Variants in DENND2B observed in about 807,000 individuals in gnomAD.
DENND2B encodes DENN domain-containing protein 2B.
DENND2B carries 32 observed loss-of-function variants against 116.0 expected under a neutral mutation model. The observed-to-expected ratio is 0.28, with a 90% CI of 0.21 to 0.37. The LOEUF (loss-of-function observed/expected upper bound fraction) is 0.37. Ranked by LOEUF, DENND2B falls within the 10% of genes least tolerant of loss-of-function variation. DENND2B has a pLI of 1.00. For synonymous variants in DENND2B, 588 were observed against 583.9 expected (o/e 1.01, Z -0.10); for missense variants, 1,276 against 1,477.7 (o/e 0.86, Z 2.24).
chr11:8,738,300 C>T (rs2049481916), intron 2 of DENND2B, among the ~76,000 whole-genome samples: 1 of 152,212 alleles, frequency 6.6e-6, no homozygotes, highest in Non-Finnish European at 1.5e-5. Flanking sequence ...CGTCTCAGGA[C>T]ATCACTCTTC....
intron 4 of DENND2B, among the ~76,000 whole-genome samples, chr11:8,836,436 T>G (rs1316178961): frequency 1.4e-5 from 2 of 145,824 alleles, no homozygotes; most frequent in African/African-American, 5.2e-5. Context: ...TTTTTTTTTT[T>G]TCTGAGACGG....
At chr11:8,774,250 A>G (rs924581455) in intron 1 of DENND2B, 9 of 985,352 alleles carry the variant, frequency 9.1e-6, no homozygotes, top group African/African-American at 1.7e-5. Context: ...CTTTATGACT[A>G]GCAGTCTCTT....
chr11:8,899,493 T>C (rs545286734), intron 1 of DENND2B, among the ~76,000 whole-genome samples: 3 of 152,028 alleles, frequency 2.0e-5, no homozygotes, highest in Non-Finnish European at 2.9e-5. Context: ...CACAATCAAA[T>C]TAACAGATGA....
chr11:8,771,348 T>G (rs2056807351), intron 1 of DENND2B, among the ~76,000 whole-genome samples: 1 of 151,310 alleles, frequency 6.6e-6, no homozygotes, highest in Admixed American at 6.6e-5. Context: ...TCATATAGAG[T>G]ATGGGGTATA....
chr11:8,818,818 A>T (rs1287274880), intron 4 of DENND2B, among the ~76,000 whole-genome samples: 1 of 152,160 alleles, frequency 6.6e-6, no homozygotes, highest in African/African-American at 2.4e-5. Flanking sequence ...CAACTAATCA[A>T]TCCAACTAAA....
intron 1 of DENND2B, chr11:8,808,824 A>C (rs1451050604): frequency 6.6e-6 from 1 of 152,194 alleles, no homozygotes; most frequent in East Asian, 1.9e-4. Flanking sequence ...TAGTTAAGAT[A>C]CTTGCCCGTG....
Position 8,707,371 on chromosome 11 carries a change from C to T in DENND2B, c.2431-146G>A. The T allele has an allele frequency of 1.9e-6, 2 of 1,057,860 alleles. No homozygotes were observed. The highest frequency in any genetic ancestry group is 1.3e-6 in the Non-Finnish European group (1 of 756,560). 65.5% of individuals were successfully genotyped at this position (1,057,860 alleles called of 1,614,324 possible). On this transcript the variant is annotated intron_variant, in intron 12 of 19. Transcript: ENST00000313726. This position sits in a 1 kb window ranked among gnomAD's most constrained non-coding sequence, Gnocchi z 4.8. ...AGGTGGTCTTGCCATGATCTGCACA[C>T]TCTACCCTTCCCGTTTTCCTTGGCA... is the stretch of plus-strand genomic sequence containing the variant.
chr11:8,893,246 C>G (rs2064056511), intron 1 of DENND2B, among the ~76,000 whole-genome samples: 2 of 152,258 alleles, frequency 1.3e-5, no homozygotes, highest in Non-Finnish European at 2.9e-5. Context: ...TGGGACGTAT[C>G]TCAAAATAAT....
intron 1 of DENND2B, among the ~76,000 whole-genome samples, chr11:8,902,462 G>T (rs1412264997): frequency 6.6e-6 from 1 of 152,182 alleles, no homozygotes; most frequent in Non-Finnish European, 1.5e-5. Flanking sequence ...ATTTGCAAGT[G>T]CTATATCTTC....
At chr11:8,744,431 G>A (rs554263675) in intron 2 of DENND2B, among the ~76,000 whole-genome samples, 2 of 152,254 alleles carry the variant, frequency 1.3e-5, no homozygotes, top group African/African-American at 4.8e-5. Flanking sequence ...ACCGCACCCA[G>A]CCAACCCATG....
rs60488372 is a variant in DENND2B at position 8,754,029 on chromosome 11, G to GCA, written c.-25-3306_-25-3305dup. 1.5e-3 allele frequency among the ~76,000 whole-genome samples: 213 copies of GCA among 138,830 alleles called. 1 individual carries two copies. The highest frequency in any genetic ancestry group is 5.4e-3 in the African/African-American group (199 of 36,620). The allele number at this position is 138,830 out of a possible 152,430, so 91.1% of individuals were successfully genotyped here. ...TTCTTAGATATAACACCAAAAGCGCGCACACACACACACACACACACACAC... is the reference window on the plus strand; with the variant it reads ...TTCTTAGATATAACACCAAAAGCGCGCACACACACACACACACACACACACAC... On this transcript the variant is annotated intron_variant, in intron 1 of 19. Coordinates refer to ENST00000313726, the MANE Select transcript of DENND2B (RefSeq NM_213618.2).
chr11:8,736,320 C>T (rs879476678), intron 2 of DENND2B, among the ~76,000 whole-genome samples: 3 of 151,928 alleles, frequency 2.0e-5, no homozygotes, highest in Non-Finnish European at 2.9e-5. Context: ...CACTGCACTC[C>T]AGCCTGGGCA....
At chr11:8,771,109 T>G (rs2134179938) in intron 1 of DENND2B, among the ~76,000 whole-genome samples, 1 of 152,276 alleles carries the variant, frequency 6.6e-6, no homozygotes, top group South Asian at 2.1e-4. Flanking sequence ...ACTAGAGGCT[T>G]TTCCTCGAAA....
chr11:8,731,121 A>G lies in DENND2B; in HGVS notation c.169T>C (p.Tyr57His). The G allele has an allele frequency of 1.3e-6, 2 of 1,596,890 alleles. No homozygotes were observed. The highest frequency in any genetic ancestry group is 1.7e-6 in the Non-Finnish European group (2 of 1,170,864). ...LSDSETSACR[Y>H]PSHSSSRVLL... The stretch of plus-strand genomic sequence containing the variant: ...ACCCGGGAGCTGGAGTGGCTGGGGT[A>G]CCTGCAGGCTGAGGTTTCACTATCA... Residue 57 changes from tyrosine (Y) to histidine (H), a missense_variant, in exon 3 of 20, where the codon TAC becomes CAC. Coordinates refer to ENST00000313726, the MANE Select transcript of DENND2B (RefSeq NM_213618.2).
chr11:8,769,777 G>T (rs915148850), intron 1 of DENND2B, among the ~76,000 whole-genome samples: 2 of 152,044 alleles, frequency 1.3e-5, no homozygotes, highest in Non-Finnish European at 2.9e-5. Flanking sequence ...AAGAAGGACT[G>T]GTTTAGCACA....
intron 2 of DENND2B, among the ~76,000 whole-genome samples, chr11:8,866,837 T>C (rs1297583987): frequency 1.3e-5 from 2 of 152,154 alleles, no homozygotes; most frequent in African/African-American, 2.4e-5. Flanking sequence ...AACTGAGTCA[T>C]ATCCTGACCC....
chr11:8,722,918 G>A (rs761848975), intron 4 of DENND2B, among the ~76,000 whole-genome samples: 32 of 152,150 alleles, frequency 2.1e-4, no homozygotes, highest in Admixed American at 1.8e-3. Context: ...GAAGCCAGGT[G>A]AGCAGCTACC....
intron 1 of DENND2B, among the ~76,000 whole-genome samples, chr11:8,881,758 C>T (rs907192843): frequency 6.6e-6 from 1 of 152,182 alleles, no homozygotes; most frequent in South Asian, 2.1e-4. Flanking sequence ...CCAGGCTGGT[C>T]TTGCACTTCT....
upstream of DENND2B, among the ~76,000 whole-genome samples, chr11:8,814,617 C>T (rs2061506685): frequency 3.9e-5 from 6 of 152,184 alleles, no homozygotes; most frequent in African/African-American, 1.4e-4. Flanking sequence ...AAATGAGGCT[C>T]CCCACACTTA....
Sources: allele counts gnomAD v4.1 joint callset (sites outside exome capture counted in the v4.1 genomes callset), GRCh38; gene constraint gnomAD v4.1.1; non-coding constraint Gnocchi (gnomAD v3.1); transcripts MANE v1.5; gene names NCBI Gene and HGNC (gene_info 2026-07-23, HGNC 2026-07-21).